PCDHGB6: variants seen among roughly 807,000 people sequenced by gnomAD.
PCDHGB6 encodes protocadherin gamma subfamily B, 6.
Under a neutral mutation model 59.1 loss-of-function variants are expected in PCDHGB6, and 51 were observed. The observed-to-expected ratio is 0.86, with a 90% CI of 0.69 to 1.09. PCDHGB6 has a LOEUF of 1.09. Ranked by LOEUF, PCDHGB6 falls within the 50% of genes least tolerant of loss-of-function variation. The probability of loss-of-function intolerance (pLI) is 0.00; values close to 1 mark genes in which losing one functional copy is unlikely to be tolerated. For synonymous variants in PCDHGB6, 466 were observed against 495.1 expected (o/e 0.94, Z 0.78); for missense variants, 1,148 against 1,205.1 (o/e 0.95, Z 0.70).
At chr5:141,459,218 C>T (rs2098963524) in intron 1 of PCDHGB6, among the ~76,000 whole-genome samples, 1 of 152,220 alleles carries the variant, frequency 6.6e-6, no homozygotes, top group South Asian at 2.1e-4. Context: ...TTCTCCAGCT[C>T]CAGGCAACAA....
chr5:141,450,278 G>C (rs977381598), intron 1 of PCDHGB6, among the ~76,000 whole-genome samples: 1 of 152,026 alleles, frequency 6.6e-6, no homozygotes, highest in African/African-American at 2.4e-5. Flanking sequence ...TCAGCTAAGT[G>C]CTGGGATTAC....
At position 141,409,659 on chromosome 5, in the gene PCDHGB6, A is replaced by C; in HGVS notation, c.1457A>C (p.His486Pro). The C allele has an allele frequency of 6.2e-7, 1 of 1,613,574 alleles. No individual in the cohort carries two copies. Among genetic ancestry groups the C allele is most frequent in the Non-Finnish European group, 8.5e-7 (1 of 1,179,872 alleles). ...GACCCGGATTTGGGGCTCAATGGCC[A>C]CATCTCCTACTCTATAGTGGCGAGT... ...ASDPDLGLNGHISYSIVASDL... is the reference protein window; with the variant it reads ...ASDPDLGLNGPISYSIVASDL... Residue 486 changes from histidine (H) to proline (P), a missense_variant, in exon 1 of 4, where the codon CAC becomes CCC. Physicochemically the swap from His to Pro is moderately conservative, Grantham distance 77 (BLOSUM62 -2). Transcript: ENST00000520790.
intron 2 of PCDHGB6, among the ~76,000 whole-genome samples, chr5:141,504,968 C>A (rs1377016827): frequency 1.3e-5 from 2 of 152,206 alleles, no homozygotes; most frequent in East Asian, 3.9e-4. Context: ...ATTGGACCAG[C>A]CTGGCCAACA....
intron 1 of PCDHGB6, among the ~76,000 whole-genome samples, chr5:141,462,769 G>T (rs1462290112): frequency 6.6e-6 from 1 of 151,956 alleles, no homozygotes; most frequent in African/African-American, 2.4e-5. Flanking sequence ...TCCTGGCTTG[G>T]GGTCATAATT....
At chr5:141,420,453 C>A (rs1026053173) in intron 1 of PCDHGB6, 76 of 977,580 alleles carry the variant, frequency 7.8e-5, no homozygotes, top group Non-Finnish European at 8.8e-5. Context: ...AGTCTTCCTA[C>A]TATTCAAAGA....
intron 1 of PCDHGB6, chr5:141,414,141 A>T (rs1162904324): frequency 1.3e-6 from 2 of 1,597,216 alleles, no homozygotes; most frequent in East Asian, 2.3e-5. Context: ...ATGAAATAGA[A>T]ATACAAGCAG....
chr5:141,447,681 C>T (rs2098548531), intron 1 of PCDHGB6, among the ~76,000 whole-genome samples: 1 of 152,066 alleles, frequency 6.6e-6, no homozygotes, highest in African/African-American at 2.4e-5. Flanking sequence ...TGTTCCATAT[C>T]TTGATAGAGG....
At chr5:141,495,123 T>C (rs2099759225) in intron 2 of PCDHGB6, among the ~76,000 whole-genome samples, 1 of 152,162 alleles carries the variant, frequency 6.6e-6, no homozygotes, top group African/African-American at 2.4e-5. Flanking sequence ...TCCTATCCCC[T>C]GAGGGCACTG....
chr5:141,446,087 A>G (rs2154561251), intron 1 of PCDHGB6, among the ~76,000 whole-genome samples: 1 of 152,370 alleles, frequency 6.6e-6, no homozygotes, highest in Non-Finnish European at 1.5e-5. Flanking sequence ...GTAGAAATAA[A>G]TGGATGAATT....
intron 1 of PCDHGB6, chr5:141,492,050 C>T (rs2099736541): frequency 4.0e-6 from 2 of 500,984 alleles, no homozygotes; most frequent in South Asian, 7.5e-5. Context: ...AGATCCACCC[C>T]TGCAGCCAGC....
chr5:141,423,267 G>A (rs530404769), intron 1 of PCDHGB6: 1 of 1,613,710 alleles, frequency 6.2e-7, no homozygotes, highest in Non-Finnish European at 8.5e-7. Flanking sequence ...GCAGCCTCGA[G>A]TCTCTGGCTA....
At chr5:141,453,919 C>T (rs142719452) in intron 1 of PCDHGB6, among the ~76,000 whole-genome samples, 2 of 152,318 alleles carry the variant, frequency 1.3e-5, no homozygotes, top group African/African-American at 4.8e-5. Flanking sequence ...TGTCAGTGAT[C>T]AGTCACTGTG....
rs979093310 is a variant in PCDHGB6 at position 141,486,621 on chromosome 5, A to G, written c.2419-8186A>G. On this transcript the variant is annotated intron_variant, in intron 1 of 3. Transcript: ENST00000520790. This position sits in a 1 kb window ranked among gnomAD's most constrained non-coding sequence, Gnocchi z 5.0. The stretch of plus-strand genomic sequence containing the variant: ...TGCTCCCTTGCAGCCTCTGACCCAG[A>G]CTCTGGCTTGAATGCGCTTATCTCC... 6.2e-7 allele frequency: 1 copy of G among 1,613,388 alleles called. No individual in the cohort carries two copies. The highest frequency in any genetic ancestry group is 1.3e-5 in the African/African-American group (1 of 74,960).
intron 1 of PCDHGB6, chr5:141,433,354 T>C: frequency 1.7e-6 from 1 of 602,322 alleles, no homozygotes; most frequent in Non-Finnish European, 2.9e-6. Flanking sequence ...CCACCTACTG[T>C]CTGCCTATCT....
At chr5:141,478,785 A>C in intron 1 of PCDHGB6, 1 of 1,482,486 alleles carries the variant, frequency 6.7e-7, no homozygotes, top group Non-Finnish European at 9.0e-7. Flanking sequence ...GACCTAATTC[A>C]CATCCTCAGC....
chr5:141,423,765 G>A (rs775053869), intron 1 of PCDHGB6: 11 of 233,406 alleles, frequency 4.7e-5, no homozygotes, highest in Admixed American at 1.2e-4. Context: ...GGGGGGTGGG[G>A]CGGCATATAT....
At position 141,490,545 on chromosome 5, in the gene PCDHGB6, C is replaced by T; in HGVS notation, c.2419-4262C>T. 3 of 1,614,164 alleles carry T rather than the reference C, an allele frequency of 1.9e-6. No homozygotes were observed. The highest frequency in any genetic ancestry group is 2.5e-6 in the Non-Finnish European group (3 of 1,180,018). ...GCGATGCTGGTTCACCTTCCCTACA[C>T]AAACATCTCACCATCAGGCTCAACA... On this transcript the variant is annotated intron_variant, in intron 1 of 3. Coordinates refer to ENST00000520790, the MANE Select transcript of PCDHGB6 (RefSeq NM_018926.3). The surrounding 1 kb of genome is among the most constrained non-coding windows in gnomAD (Gnocchi z 5.4).
intron 1 of PCDHGB6, among the ~76,000 whole-genome samples, chr5:141,437,919 G>A (rs2097917914): frequency 1.3e-5 from 2 of 152,078 alleles, no homozygotes; most frequent in Admixed American, 1.3e-4. Context: ...TGTATTTTTA[G>A]TAGAGATGGG....
intron 1 of PCDHGB6, chr5:141,423,123 A>G: frequency 1.2e-6 from 2 of 1,613,766 alleles, no homozygotes; most frequent in Non-Finnish European, 1.7e-6. Flanking sequence ...CAGCGCGGGC[A>G]CTGCTGGACA....
Sources: gnomAD v4.1 joint callset for allele counts (sites outside exome capture counted in the v4.1 genomes callset) on GRCh38, gnomAD v4.1.1 for gene constraint, Gnocchi (gnomAD v3.1) non-coding constraint, MANE v1.5 for transcripts, NCBI Gene and HGNC (gene_info 2026-07-23, HGNC 2026-07-21) for gene names.